ALDH1A3: variants seen among roughly 807,000 people sequenced by gnomAD.
The protein encoded by ALDH1A3 is aldehyde dehydrogenase 1 family member A3.
Under a neutral mutation model 57.5 loss-of-function variants are expected in ALDH1A3, and 28 were observed. The ratio of observed to expected loss-of-function variants is 0.49; its 90% CI spans 0.36 to 0.67. The LOEUF (loss-of-function observed/expected upper bound fraction) is 0.67, where lower values mean the gene tolerates loss of function less well. Among genes scored for constraint, ALDH1A3 ranks in the 30% least tolerant of loss-of-function variants. The probability of loss-of-function intolerance (pLI) is 0.00; values close to 1 mark genes in which losing one functional copy is unlikely to be tolerated. For synonymous variants in ALDH1A3, 281 were observed against 264.8 expected (o/e 1.06, Z -0.59); for missense variants, 507 against 669.4 (o/e 0.76, Z 2.68).
intron 2 of ALDH1A3, among the ~76,000 whole-genome samples, chr15:100,886,607 C>T (rs562339963): frequency 2.6e-5 from 4 of 152,326 alleles, no homozygotes; most frequent in African/African-American, 9.6e-5. Context: ...CACATCCACT[C>T]CCTGCTGTAC....
Position 100,898,109 on chromosome 15 carries a change from G to A in ALDH1A3, c.807G>A (p.Ala269=), listed in dbSNP as rs141536472. 233 of 1,614,096 alleles carry A rather than the reference G, an allele frequency of 1.4e-4. 1 individual carries two copies. The African/African-American group carries it at 2.5e-3, about 17-fold the overall frequency. Reference sequence around the variant, plus strand: ...TTGGAAAACTGGTTAAAGAAGCTGCGTCCCGGAGCAATCTGAAGCGGGTGA... The same window carrying A: ...TTGGAAAACTGGTTAAAGAAGCTGCATCCCGGAGCAATCTGAAGCGGGTGA... ...TEVGKLVKEA[A]SRSNLKRVTL... The change falls in exon 8 of 13, where the codon GCG becomes GCA. Residue 269 remains alanine (A), a synonymous_variant. Transcript: ENST00000329841.
chr15:100,894,286 G>T lies in ALDH1A3; in HGVS notation c.666+204G>T. The T allele has an allele frequency of 3.4e-6, 2 of 585,258 alleles. No homozygotes were observed. The highest frequency in any genetic ancestry group is 5.9e-6 in the Non-Finnish European group (2 of 338,278). The allele number at this position is 585,258 out of a possible 1,614,324, so 36.3% of individuals were successfully genotyped here. A position where few individuals can be genotyped will look rare whatever the true frequency, so the allele number is the denominator to read the frequency against. ...TGGAGAAACTCCATTCCTCCCAGTG[G>T]TCCTAATGAGAATGCTTAACTCTTA... On this transcript the variant is annotated intron_variant, in intron 6 of 12. Transcript: ENST00000329841. The surrounding 1 kb of genome is among the most constrained non-coding windows in gnomAD (Gnocchi z 4.5).
Position 100,905,673 on chromosome 15 carries a change from A to G in ALDH1A3, c.1219A>G (p.Ile407Val). Residue 407 changes from isoleucine (I) to valine (V), a missense_variant, in exon 10 of 13, where the codon ATT becomes GTT. Around this residue, in one of 2 missense-constraint regions of ALDH1A3, gnomAD observed 432 missense variants for 608.4 expected, o/e 0.71. Coordinates refer to ENST00000329841, the MANE Select transcript of ALDH1A3 (RefSeq NM_000693.4). The stretch of plus-strand genomic sequence containing the variant: ...CTCAGAAGTCACAGACAACATGCGG[A>G]TTGCCAAAGAGGAGGTACAAGGGGG... ...VFSEVTDNMR[I>V]AKEEIFGPVQ... 9 of 1,585,170 alleles carry G rather than the reference A, an allele frequency of 5.7e-6. No individual in the cohort carries two copies. The highest frequency in any genetic ancestry group is 6.9e-6 in the Non-Finnish European group (8 of 1,165,312).
chr15:100,892,530 A>G lies in ALDH1A3; in HGVS notation c.366A>G (p.Thr122=), dbSNP rs749466605. The G allele has an allele frequency of 3.1e-6, 5 of 1,612,700 alleles. No individual in the cohort carries two copies. In the Admixed American group the frequency reaches 5.0e-5, roughly 16 times the overall value. ...ATLAALETMD[T]GKPFLHAFFI... ...TGCAGGCCCTGGAGACGATGGATACAGGGAAGCCATTTCTTCATGCTTTTT... is the reference window on the plus strand; with the variant it reads ...TGCAGGCCCTGGAGACGATGGATACGGGGAAGCCATTTCTTCATGCTTTTT... The change falls in exon 4 of 13, where the codon ACA becomes ACG. Residue 122 remains threonine, a synonymous_variant. Coordinates refer to ENST00000329841, the MANE Select transcript of ALDH1A3 (RefSeq NM_000693.4).
chr15:100,882,171 T>C lies in ALDH1A3; in HGVS notation c.99+2165T>C, dbSNP rs1019941247. ...CTCGATAATGGGGCACACACCAGAGTTGGTCCATCTGAGCCCTAGCCCCGG... is the reference window on the plus strand; with the variant it reads ...CTCGATAATGGGGCACACACCAGAGCTGGTCCATCTGAGCCCTAGCCCCGG... On this transcript the variant is annotated intron_variant, in intron 1 of 12. Coordinates refer to ENST00000329841, the MANE Select transcript of ALDH1A3 (RefSeq NM_000693.4). Among the ~76,000 whole-genome samples, 4 of 152,308 alleles carry C rather than the reference T, an allele frequency of 2.6e-5. No homozygotes were observed. In the East Asian group the frequency reaches 5.8e-4, roughly 22 times the overall value.
chr15:100,891,756 G>A (rs1381444445), intron 3 of ALDH1A3, among the ~76,000 whole-genome samples: 1 of 152,226 alleles, frequency 6.6e-6, no homozygotes, highest in Non-Finnish European at 1.5e-5. Flanking sequence ...CGGTTTCAGC[G>A]CTGGGCTCAA....
chr15:100,897,973 C>G, intron 7 of ALDH1A3, 110 bp from the exon 8 acceptor site: 1 of 980,770 alleles, frequency 1.0e-6, no homozygotes. Context: ...GGCCGAGAGC[C>G]AGGTGGTGGC....
rs1373845221 is a variant in ALDH1A3, at chr15:100,893,986, G to A, written c.570G>A (p.Lys190=). ...WNFPLLMLVW[K]LAPALCCGNT... ...TCCCCCTGCTGATGCTGGTGTGGAAGCTGGCACCCGCCCTCTGCTGTGGGA... is the reference window on the plus strand; with the variant it reads ...TCCCCCTGCTGATGCTGGTGTGGAAACTGGCACCCGCCCTCTGCTGTGGGA... Residue 190 remains lysine, a synonymous_variant, in exon 6 of 13, where the codon AAG becomes AAA. Transcript: ENST00000329841. The surrounding 1 kb of genome is among the most constrained non-coding windows in gnomAD (Gnocchi z 4.8). 6.2e-7 allele frequency: 1 copy of A among 1,614,198 alleles called. No homozygotes were observed. The highest frequency in any genetic ancestry group is 8.5e-7 in the Non-Finnish European group (1 of 1,180,034).
At chr15:100,913,026 C>T (rs1298786654) in intron 12 of ALDH1A3, among the ~76,000 whole-genome samples, 1 of 96,212 alleles carries the variant, frequency 1.0e-5, no homozygotes, top group African/African-American at 3.8e-5. Context: ...GGCGTGGCAG[C>T]GGGCGCCTGT....
intron 9 of ALDH1A3, among the ~76,000 whole-genome samples, chr15:100,903,040 C>T (rs544245135): frequency 3.3e-4 from 50 of 152,304 alleles, no homozygotes; most frequent in African/African-American, 1.1e-3. Context: ...TGAGCTCTTC[C>T]GGGATCTGTT....
At chr15:100,899,499 A>G (rs1033993162) in intron 8 of ALDH1A3, among the ~76,000 whole-genome samples, 1 of 152,134 alleles carries the variant, frequency 6.6e-6, no homozygotes, top group African/African-American at 2.4e-5. Flanking sequence ...CCTTCTCCTC[A>G]TCAGGGCGGT....
chr15:100,885,943 C>A (rs2041590603), intron 2 of ALDH1A3, among the ~76,000 whole-genome samples: 1 of 152,194 alleles, frequency 6.6e-6, no homozygotes, highest in African/African-American at 2.4e-5. Context: ...AATACAGAAG[C>A]TAAGGGACTT....
At chr15:100,900,435 A>T (rs1021187403) in intron 8 of ALDH1A3, 140 bp from the exon 9 acceptor site, 5 of 816,492 alleles carry the variant, frequency 6.1e-6, no homozygotes, top group Middle Eastern at 3.7e-4. Context: ...TCTGCAAACA[A>T]AATTAATTTC....
At position 100,905,540 on chromosome 15, in the gene ALDH1A3, C is replaced by T. The variant is rs187280010; in HGVS notation, c.1086C>T (p.Phe362=). 1.1e-4 allele frequency: 181 copies of T among 1,614,076 alleles called. No homozygotes were observed. Among genetic ancestry groups the T allele is most frequent in the Non-Finnish European group, 1.4e-4 (171 of 1,180,010 alleles). Residue 362 remains phenylalanine, a synonymous_variant, in exon 10 of 13, where the codon TTC becomes TTT. Transcript: ENST00000329841. ...TCTTGCAGATTGATCAAAAGCAGTT[C>T]GACAAAATCTTAGAGCTGATCGAGA... ...EQGPQIDQKQ[F]DKILELIESG... is the part of the protein sequence containing the mutation.
At chr15:100,890,818 C>G (rs1004852889) in intron 3 of ALDH1A3, among the ~76,000 whole-genome samples, 2 of 152,204 alleles carry the variant, frequency 1.3e-5, no homozygotes, top group African/African-American at 4.8e-5. Context: ...CAGATACTGT[C>G]TGGAATAGGT....
intron 12 of ALDH1A3, among the ~76,000 whole-genome samples, chr15:100,912,604 A>G (rs1054963374): frequency 9.2e-5 from 14 of 152,118 alleles, no homozygotes; most frequent in Admixed American, 2.6e-4. Flanking sequence ...ACTTATTTTC[A>G]TGGGTTCTGG....
At chr15:100,908,080 C>T (rs2041843510) in intron 11 of ALDH1A3, among the ~76,000 whole-genome samples, 1 of 152,002 alleles carries the variant, frequency 6.6e-6, no homozygotes, top group African/African-American at 2.4e-5. Context: ...AACTCCTGAC[C>T]TCAGGTGATC....
chr15:100,898,306 C>A, intron 8 of ALDH1A3, 121 bp downstream of exon 8: 1 of 809,488 alleles, frequency 1.2e-6, no homozygotes, highest in Non-Finnish European at 1.9e-6. Context: ...AGTGGGGACG[C>A]TTCCACCGTG....
chr15:100,895,570 A>C lies in ALDH1A3; in HGVS notation c.667-363A>C, dbSNP rs77295162. 1,101 of 261,476 alleles carry C rather than the reference A, an allele frequency of 4.2e-3. 17 individuals are homozygous for C. Among genetic ancestry groups the C allele is most frequent in the East Asian group, 0.027 (370 of 13,632 alleles). 16.2% of individuals were successfully genotyped at this position (261,476 alleles called of 1,614,324 possible). A position where few individuals can be genotyped will look rare whatever the true frequency, so the allele number is the denominator to read the frequency against. On this transcript the variant is annotated intron_variant, in intron 6 of 12. Transcript: ENST00000329841. ...CCCTCTCCCCTTAACGCATACACAC[A>C]CTCTCCCTCACACACACACACACCC... is the stretch of plus-strand genomic sequence containing the variant.
Sources: allele counts gnomAD v4.1 joint callset (sites outside exome capture counted in the v4.1 genomes callset), GRCh38; gene constraint gnomAD v4.1.1; regional missense constraint gnomAD v4.1.1; non-coding constraint Gnocchi (gnomAD v3.1); transcripts MANE v1.5; gene names NCBI Gene and HGNC (gene_info 2026-07-23, HGNC 2026-07-21).